GRIA3: variants seen among roughly 807,000 people sequenced by gnomAD.
The protein encoded by GRIA3 is glutamate receptor 3.
GRIA3 carries 3 observed loss-of-function variants against 63.0 expected under a neutral mutation model. The observed-to-expected ratio is 0.05, with a 90% CI of 0.02 to 0.12. GRIA3 has a LOEUF of 0.12. GRIA3 is among the 10% of genes least tolerant of loss of function. The pLI is 1.00. For synonymous variants in GRIA3, 274 were observed against 257.9 expected, an observed-to-expected ratio of 1.06 and a Z score of -0.60; for missense variants, 347 against 700.9, an observed-to-expected ratio of 0.50 and a Z score of 5.70.
intron 4 of GRIA3, among the ~76,000 whole-genome samples, chrX:123,340,153 T>C (rs1045100045): frequency 8.9e-6 from 1 of 112,329 alleles, no homozygotes; most frequent in Non-Finnish European, 1.9e-5. Context: ...TTCACCTGAA[T>C]AGGTCACCTG....
chrX:123,479,953 G>C (rs1451361977), intron 13 of GRIA3, 110 bp from the exon 14 acceptor site: 1 of 555,731 alleles, frequency 1.8e-6, no homozygotes, highest in Non-Finnish European at 3.1e-6. Context: ...AAATTACTCT[G>C]TGGCCAGGGC....
chrX:123,463,373 C>A (rs1034463538), intron 12 of GRIA3, among the ~76,000 whole-genome samples: 1 of 107,096 alleles, frequency 9.3e-6, no homozygotes, highest in African/African-American at 3.4e-5. Flanking sequence ...CATAGTGAGA[C>A]CTCGTCTCTA....
intron 13 of GRIA3, among the ~76,000 whole-genome samples, chrX:123,470,681 T>C (rs898681221): frequency 1.8e-5 from 2 of 111,432 alleles, no homozygotes; most frequent in Non-Finnish European, 3.8e-5. Flanking sequence ...TTGGTATACA[T>C]GAGATCTTCA....
intron 2 of GRIA3, among the ~76,000 whole-genome samples, chrX:123,190,151 A>G (rs1317755415): frequency 9.0e-6 from 1 of 110,924 alleles, no homozygotes; most frequent in Non-Finnish European, 1.9e-5. Flanking sequence ...AACCAGGTGA[A>G]GACTCCTGGG....
At chrX:123,247,125 C>T (rs897323546) in intron 2 of GRIA3, among the ~76,000 whole-genome samples, 11 of 111,973 alleles carry the variant, frequency 9.8e-5, no homozygotes, top group African/African-American at 3.6e-4. Context: ...CTATGAGTTT[C>T]TTCATAGCTA....
In GRIA3 at chrX:123,398,902, A is replaced by AC. The variant is rs1408745082; in HGVS notation, c.1080+101dup. ...GAGAAGACATACTAAAAGGAATAGGACCAGATTATGTAGAATCTCAGAGTA... is the reference window on the plus strand; with the variant it reads ...GAGAAGACATACTAAAAGGAATAGGACCCAGATTATGTAGAATCTCAGAGTA... On this transcript the variant is annotated intron_variant, in intron 7 of 15. Transcript: ENST00000620443. 6.1e-6 allele frequency: 4 copies of AC among 650,648 alleles called. No individual in the cohort carries two copies. In the East Asian group the frequency reaches 9.9e-5, roughly 16 times the overall value. 53.6% of individuals were successfully genotyped at this position (650,648 alleles called of 1,213,427 possible).
At chrX:123,367,248 A>C (rs2045216152) in intron 5 of GRIA3, among the ~76,000 whole-genome samples, 1 of 111,590 alleles carries the variant, frequency 9.0e-6, no homozygotes, top group South Asian at 3.8e-4. Context: ...AAAAATATCA[A>C]GTCTACTGAA....
At chrX:123,279,501 AT>A (rs2044573351) in intron 3 of GRIA3, among the ~76,000 whole-genome samples, 1 of 111,641 alleles carries the variant, frequency 9.0e-6, no homozygotes, top group African/African-American at 3.3e-5. Context: ...TCAATTAAAA[AT>A]TTTTTTTATA....
intron 2 of GRIA3, among the ~76,000 whole-genome samples, chrX:123,198,038 CT>C (rs1927621416): frequency 8.9e-6 from 1 of 112,246 alleles, no homozygotes; most frequent in Non-Finnish European, 1.9e-5. Context: ...AGGCACTGCC[CT>C]GGCACACAAA....
intron 2 of GRIA3, among the ~76,000 whole-genome samples, chrX:123,210,591 A>T (rs1400856641): frequency 4.5e-5 from 5 of 111,621 alleles, no homozygotes; most frequent in Non-Finnish European, 7.5e-5. Context: ...ACAGGGTAAT[A>T]TCCAATGTCC....
chrX:123,400,820 C>A (rs958116362), intron 7 of GRIA3, among the ~76,000 whole-genome samples: 1 of 112,058 alleles, frequency 8.9e-6, no homozygotes, highest in Admixed American at 9.5e-5. Flanking sequence ...TTTAAAATAT[C>A]TTAAAGCCAC....
At chrX:123,398,884 C>A in intron 7 of GRIA3, 81 bp downstream of exon 7, 1 of 803,640 alleles carries the variant, frequency 1.2e-6, no homozygotes, top group Non-Finnish European at 1.9e-6. Flanking sequence ...TGAGAGAAGA[C>A]ATACTAAAAG....
At chrX:123,378,647 G>A (rs965272534) in intron 5 of GRIA3, among the ~76,000 whole-genome samples, 6 of 110,783 alleles carry the variant, frequency 5.4e-5, no homozygotes, top group Non-Finnish European at 3.8e-5. Context: ...CTGACCTCAA[G>A]TGATCTGCCC....
At chrX:123,305,897 A>G (rs1398530250) in intron 3 of GRIA3, among the ~76,000 whole-genome samples, 1 of 112,331 alleles carries the variant, frequency 8.9e-6, no homozygotes, top group Non-Finnish European at 1.9e-5. Flanking sequence ...GCATAGGTAG[A>G]CAGAATAGCT....
chrX:123,397,245 T>C (rs941370596), intron 6 of GRIA3, among the ~76,000 whole-genome samples: 11 of 112,246 alleles, frequency 9.8e-5, no homozygotes, highest in Non-Finnish European at 1.9e-4. Flanking sequence ...TTGCTTAGTA[T>C]TGGTCATTAT....
chrX:123,214,359 G>A (rs767866614), intron 2 of GRIA3, among the ~76,000 whole-genome samples: 1 of 111,483 alleles, frequency 9.0e-6, no homozygotes, highest in Admixed American at 9.5e-5. Flanking sequence ...TCTGCAACAC[G>A]ACCATATGTA....
intron 12 of GRIA3, among the ~76,000 whole-genome samples, chrX:123,455,258 TTGTC>T (rs1377464758): frequency 8.9e-5 from 10 of 111,743 alleles, no homozygotes; most frequent in Non-Finnish European, 1.1e-4. Context: ...CAGCTGCTGA[TTGTC>T]TGAAGCAAAA....
chrX:123,436,669 G>C (rs770411588), intron 12 of GRIA3, among the ~76,000 whole-genome samples: 1 of 112,011 alleles, frequency 8.9e-6, no homozygotes. Context: ...GAAAGCCTAA[G>C]GGGGTTAAGT....
Position 123,264,318 on chromosome X carries a change from TAA to T in GRIA3, c.508+10778_508+10779del, listed in dbSNP as rs777922155. On this transcript the variant is annotated intron_variant, in intron 3 of 15. Coordinates refer to ENST00000620443, the MANE Select transcript of GRIA3 (RefSeq NM_007325.5). ...CAAAGCTGGACATTTGTTAAAGAGCTAAAGACTGATTTTAATCAGTAATATAC... is the reference window on the plus strand; with the variant it reads ...CAAAGCTGGACATTTGTTAAAGAGCTAGACTGATTTTAATCAGTAATATAC... Among the ~76,000 whole-genome samples the T allele has an allele frequency of 2.7e-5, 3 of 111,990 alleles. No individual in the cohort carries two copies. In the South Asian group the frequency reaches 1.1e-3, roughly 42 times the overall value.
Sources: gnomAD v4.1 joint callset for allele counts (sites outside exome capture counted in the v4.1 genomes callset) on GRCh38, gnomAD v4.1.1 for gene constraint, MANE v1.5 for transcripts, NCBI Gene and HGNC (gene_info 2026-07-23, HGNC 2026-07-21) for gene names.